Variants in CSGALNACT1 observed in about 807,000 individuals in gnomAD.
CSGALNACT1 encodes the protein chondroitin sulfate N-acetylgalactosaminyltransferase 1, also known as beta4GalNAcT-1.
Under a neutral mutation model 51.0 loss-of-function variants are expected in CSGALNACT1, and 52 were observed. The observed-to-expected ratio is 1.02, with a 90% CI of 0.82 to 1.29. The LOEUF is 1.29. CSGALNACT1 is among the 50% of genes most tolerant of loss of function. CSGALNACT1 has a pLI of 0.00. For synonymous variants in CSGALNACT1, 341 were observed against 254.4 expected (o/e 1.34, Z -3.24); for missense variants, 935 against 679.2 (o/e 1.38, Z -4.19).
intron 3 of CSGALNACT1, among the ~76,000 whole-genome samples, chr8:19,575,908 A>G (rs1428712144): frequency 6.6e-6 from 1 of 152,070 alleles, no homozygotes; most frequent in Non-Finnish European, 1.5e-5. Context: ...ATCTTTTGAG[A>G]TATTTTAATA....
At chr8:19,539,410 A>T (rs1445033972) in intron 3 of CSGALNACT1, among the ~76,000 whole-genome samples, 1 of 152,182 alleles carries the variant, frequency 6.6e-6, no homozygotes, top group African/African-American at 2.4e-5. Context: ...AGTCCATTAG[A>T]ACAGGGATCT....
At chr8:19,625,775 C>G (rs1057439361) in intron 1 of CSGALNACT1, among the ~76,000 whole-genome samples, 3 of 152,148 alleles carry the variant, frequency 2.0e-5, no homozygotes, top group Admixed American at 6.5e-5. Context: ...GTGGAAAATC[C>G]TACAGAACAA....
At chr8:19,643,777 A>G (rs1313265939) in intron 1 of CSGALNACT1, among the ~76,000 whole-genome samples, 7 of 152,234 alleles carry the variant, frequency 4.6e-5, no homozygotes, top group African/African-American at 1.7e-4. Context: ...ATTAACCAGG[A>G]TAGCACACAA....
At chr8:19,689,241 C>T (rs771895458) in intron 1 of CSGALNACT1, among the ~76,000 whole-genome samples, 6 of 152,150 alleles carry the variant, frequency 3.9e-5, no homozygotes, top group Non-Finnish European at 7.3e-5. Flanking sequence ...AACAATCACT[C>T]TTATAACCCA....
In CSGALNACT1 at chr8:19,426,284, G is replaced by A. The variant is rs543077334; in HGVS notation, c.954-5766C>T. On this transcript the variant is annotated intron_variant, in intron 6 of 9. Coordinates refer to ENST00000454498, the Ensembl canonical transcript of CSGALNACT1. Reference sequence around the variant, plus strand: ...GGCACCAGAGAAACCCCTCCCTTGTGTATATACACCCACCTCCAACATCAG... The same window carrying A: ...GGCACCAGAGAAACCCCTCCCTTGTATATATACACCCACCTCCAACATCAG... 6.4e-4 allele frequency among the ~76,000 whole-genome samples: 98 copies of A among 152,272 alleles called. 2 individuals carry two copies. Among genetic ancestry groups the A allele is most frequent in the African/African-American group, 2.2e-3 (93 of 41,564 alleles).
At chr8:19,716,612 C>CCAAAAAA (rs1414449293) in intron 1 of CSGALNACT1, among the ~76,000 whole-genome samples, 38 of 41,992 alleles carry the variant, frequency 9.0e-4, no homozygotes, top group South Asian at 3.1e-3. Context: ...ACCCTCTCTA[C>CCAAAAAA]AAAAAAAAAA....
intron 5 of CSGALNACT1, among the ~76,000 whole-genome samples, chr8:19,449,255 A>C (rs2153793151): frequency 6.6e-6 from 1 of 152,276 alleles, no homozygotes; most frequent in East Asian, 1.9e-4. Flanking sequence ...TCAAAGAGAA[A>C]CCGTTATCTA....
In CSGALNACT1 at chr8:19,500,682, C is replaced by T. The variant is rs2076263267; in HGVS notation, c.634+4519G>A. Reference sequence around the variant, plus strand: ...CCCGTGAGGTGTTTGTTGAAGAGTACAGGAGGTTGGCATTGACTGTACAAC... The same window carrying T: ...CCCGTGAGGTGTTTGTTGAAGAGTATAGGAGGTTGGCATTGACTGTACAAC... On this transcript the variant is annotated intron_variant, in intron 4 of 9. Transcript: ENST00000454498. Among the ~76,000 whole-genome samples the T allele has an allele frequency of 2.6e-5, 4 of 152,184 alleles. No homozygotes were observed. In the South Asian group the frequency reaches 8.3e-4, roughly 32 times the overall value.
chr8:19,525,720 C>A (rs143351977), intron 3 of CSGALNACT1, among the ~76,000 whole-genome samples: 17 of 140,918 alleles, frequency 1.2e-4, no homozygotes, highest in African/African-American at 3.5e-4. Context: ...CAAGTGACAA[C>A]AGAGAGAAAG....
At chr8:19,469,000 G>A (rs1050207323) in intron 4 of CSGALNACT1, among the ~76,000 whole-genome samples, 8 of 152,076 alleles carry the variant, frequency 5.3e-5, no homozygotes, top group Non-Finnish European at 8.8e-5. Flanking sequence ...CACTCAGAGG[G>A]GCAGAAGACA....
At chr8:19,587,149 C>G (rs986822648) in intron 3 of CSGALNACT1, among the ~76,000 whole-genome samples, 3 of 152,134 alleles carry the variant, frequency 2.0e-5, no homozygotes, top group African/African-American at 7.2e-5. Flanking sequence ...CAAACTGACT[C>G]CATTCACAGA....
In CSGALNACT1 at chr8:19,661,164, T is replaced by G. The variant is rs564378549; in HGVS notation, c.-544+21309A>C. Among the ~76,000 whole-genome samples, 152 of 151,824 alleles carry G rather than the reference T, an allele frequency of 1.0e-3. 1 individual carries two copies. The highest frequency in any genetic ancestry group is 1.8e-3 in the Admixed American group (28 of 15,230). Reference sequence around the variant, plus strand: ...CTCCTGACCTTGTGATCTGCCCACCTCAGCCTCCCAAAGTGTTGGGATTAG... The same window carrying G: ...CTCCTGACCTTGTGATCTGCCCACCGCAGCCTCCCAAAGTGTTGGGATTAG... On this transcript the variant is annotated intron_variant, in intron 1 of 9. Coordinates refer to the CSGALNACT1 transcript ENST00000332246.
intron 3 of CSGALNACT1, among the ~76,000 whole-genome samples, chr8:19,534,921 A>G (rs565331207): frequency 3.3e-5 from 5 of 152,320 alleles, no homozygotes; most frequent in Admixed American, 2.0e-4. Flanking sequence ...GCACTTCGCC[A>G]TATTTCCTCC....
chr8:19,405,517 C>T (rs991566749), exon 10 of CSGALNACT1: 2 of 624,104 alleles, frequency 3.2e-6, no homozygotes, highest in Non-Finnish European at 5.9e-6. Flanking sequence ...AAAACCTCCA[C>T]ACCATTAGGC....
intron 3 of CSGALNACT1, among the ~76,000 whole-genome samples, chr8:19,560,096 T>C (rs2975438): frequency 0.52 from 79,059 of 151,932 alleles, 22,238 homozygotes; most frequent in African/African-American, 0.75. Context: ...ATTTTTGGTA[T>C]GTTGCATAGG....
chr8:19,512,558 T>C (rs2078667028), intron 3 of CSGALNACT1, among the ~76,000 whole-genome samples: 1 of 152,224 alleles, frequency 6.6e-6, no homozygotes, highest in South Asian at 2.1e-4. Context: ...ATTTTTCATT[T>C]TATAAAATGT....
intron 1 of CSGALNACT1, among the ~76,000 whole-genome samples, chr8:19,747,293 C>T (rs959459553): frequency 1.3e-5 from 2 of 152,000 alleles, no homozygotes; most frequent in Non-Finnish European, 2.9e-5. Context: ...CTTCATTTTC[C>T]ATTAGAACAC....
chr8:19,649,818 G>GAAAAAAAAAAAAAAAAAA (rs1564347327), intron 1 of CSGALNACT1, among the ~76,000 whole-genome samples: 1 of 1,552 alleles, frequency 6.4e-4, no homozygotes, highest in African/African-American at 2.1e-3. Flanking sequence ...ATTCCAAGTA[G>GAAAAAAAAAAAAAAAAAA]CAAAAAAAAA....
intron 1 of CSGALNACT1, among the ~76,000 whole-genome samples, chr8:19,709,961 G>A (rs2062403707): frequency 1.3e-5 from 2 of 152,110 alleles, no homozygotes; most frequent in Admixed American, 1.3e-4. Flanking sequence ...AGCTGGGTTG[G>A]GTCCACAGCA....
Sources: allele counts gnomAD v4.1 joint callset (sites outside exome capture counted in the v4.1 genomes callset), GRCh38; gene constraint gnomAD v4.1.1; transcripts MANE v1.5; gene names NCBI Gene and HGNC (gene_info 2026-07-23, HGNC 2026-07-21).